Variants in SLC24A2 observed in about 807,000 individuals in gnomAD.
SLC24A2 encodes solute carrier family 24 member 2.
A neutral mutation model predicts 62.0 loss-of-function variants in SLC24A2; 36 were observed. That is an observed-to-expected ratio of 0.58 (90% CI 0.44 to 0.77). SLC24A2 has a LOEUF of 0.77. SLC24A2 is among the 30% of genes least tolerant of loss of function. The pLI is 0.00. For synonymous variants in SLC24A2, 358 were observed against 294.0 expected (o/e 1.22, Z -2.23); for missense variants, 846 against 817.9 (o/e 1.03, Z -0.42).
the SLC24A2 span, among the ~76,000 whole-genome samples, chr9:20,284,278 G>C: frequency 8.5e-6 from 1 of 117,742 alleles, no homozygotes; most frequent in African/African-American, 4.0e-5. Context: ...TGTGTTTTCA[G>C]GTATTTTTTT....
intron 2 of SLC24A2, among the ~76,000 whole-genome samples, chr9:19,728,871 A>C (rs1272209159): frequency 6.6e-6 from 1 of 152,216 alleles, no homozygotes; most frequent in Non-Finnish European, 1.5e-5. Context: ...TGAGACTAAA[A>C]AGCCAAGCAG....
the SLC24A2 span, among the ~76,000 whole-genome samples, chr9:20,288,564 T>C: frequency 5.3e-5 from 8 of 151,490 alleles, no homozygotes; most frequent in East Asian, 1.4e-3. Flanking sequence ...AGGCCAGGAG[T>C]TTGAGACCAG....
intron 2 of SLC24A2, among the ~76,000 whole-genome samples, chr9:19,671,088 T>C (rs1819400398): frequency 1.7e-5 from 1 of 60,246 alleles, no homozygotes; most frequent in African/African-American, 3.4e-5. Context: ...ATGTGAAGAA[T>C]GATGGTGGTA....
the SLC24A2 span, among the ~76,000 whole-genome samples, chr9:19,866,625 CTTTTTTTTTTTTTTT>C: frequency 7.6e-4 from 52 of 68,216 alleles, no homozygotes; most frequent in Non-Finnish European, 1.2e-3. Flanking sequence ...CACGTTTTCA[CTTTTTTTTTTTTTTT>C]TTTTTTTTTT....
intron 2 of SLC24A2, among the ~76,000 whole-genome samples, chr9:19,667,128 T>C (rs775788791): frequency 1.3e-5 from 2 of 152,114 alleles, no homozygotes; most frequent in African/African-American, 2.4e-5. Context: ...CAATGATTTA[T>C]CACATAAAAA....
chr9:20,071,451 G>A, the SLC24A2 span, among the ~76,000 whole-genome samples: 19 of 152,302 alleles, frequency 1.2e-4, no homozygotes, highest in East Asian at 3.9e-4. Context: ...CTTTGAGCTC[G>A]GGATGGAGGA....
the SLC24A2 span, among the ~76,000 whole-genome samples, chr9:20,168,026 C>T: frequency 6.6e-6 from 1 of 151,974 alleles, no homozygotes; most frequent in African/African-American, 2.4e-5. Context: ...TTTCAAACCA[C>T]TGAAGTCCCA....
chr9:19,875,593 C>T, the SLC24A2 span, among the ~76,000 whole-genome samples: 1 of 152,130 alleles, frequency 6.6e-6, no homozygotes, highest in African/African-American at 2.4e-5. Context: ...AAACTTGTCA[C>T]CATTTTGAAG....
chr9:19,827,247 A>C, the SLC24A2 span, among the ~76,000 whole-genome samples: 16 of 152,278 alleles, frequency 1.1e-4, no homozygotes, highest in Non-Finnish European at 1.6e-4. Context: ...TGATGAGATA[A>C]GTATATGAAG....
chr9:19,567,745 C>G (rs935516775), intron 7 of SLC24A2, among the ~76,000 whole-genome samples: 4 of 148,414 alleles, frequency 2.7e-5, no homozygotes, highest in Non-Finnish European at 5.9e-5. Context: ...CATCCCAGAT[C>G]AGATTTCTCA....
At chr9:19,932,837 C>T in the SLC24A2 span, among the ~76,000 whole-genome samples, 50 of 152,324 alleles carry the variant, frequency 3.3e-4, no homozygotes, top group East Asian at 9.6e-4. Flanking sequence ...CACCTTATGC[C>T]ACAGGTTTTT....
chr9:19,952,786 C>A, the SLC24A2 span, among the ~76,000 whole-genome samples: 1 of 151,280 alleles, frequency 6.6e-6, no homozygotes, highest in Non-Finnish European at 1.5e-5. Context: ...ATTTTCTACA[C>A]CTCTGTTTTC....
the SLC24A2 span, among the ~76,000 whole-genome samples, chr9:19,997,694 A>T: frequency 2.0e-5 from 3 of 152,226 alleles, no homozygotes; most frequent in Admixed American, 2.0e-4. Flanking sequence ...GCTAGGAGTG[A>T]GCAAGACAAA....
chr9:19,738,469 T>C (rs954340793), intron 2 of SLC24A2, among the ~76,000 whole-genome samples: 1 of 151,964 alleles, frequency 6.6e-6, no homozygotes, highest in African/African-American at 2.4e-5. Flanking sequence ...GATATGTTGG[T>C]CTAAAAGTGG....
At chr9:20,125,806 G>C in the SLC24A2 span, among the ~76,000 whole-genome samples, 1 of 152,170 alleles carries the variant, frequency 6.6e-6, no homozygotes. Flanking sequence ...CCCTCCATGG[G>C]TGTGTGTAAG....
chr9:19,964,674 A>C, the SLC24A2 span, among the ~76,000 whole-genome samples: 9 of 152,296 alleles, frequency 5.9e-5, no homozygotes, highest in Admixed American at 2.0e-4. Flanking sequence ...TGGGTGGGGC[A>C]CAAGGGAGAT....
chr9:19,665,904 C>T (rs989020129), intron 2 of SLC24A2, among the ~76,000 whole-genome samples: 13 of 152,120 alleles, frequency 8.5e-5, no homozygotes, highest in African/African-American at 2.9e-4. Context: ...AGCACCTCAC[C>T]CACCTCGGCC....
At chr9:19,576,430 C>A (rs1324926085) in intron 6 of SLC24A2, among the ~76,000 whole-genome samples, 1 of 152,166 alleles carries the variant, frequency 6.6e-6, no homozygotes, top group African/African-American at 2.4e-5. Flanking sequence ...GAGGCAGCAT[C>A]ATCTCAAAAG....
the SLC24A2 span, among the ~76,000 whole-genome samples, chr9:19,831,994 T>G: frequency 6.6e-6 from 1 of 152,236 alleles, no homozygotes; most frequent in Admixed American, 6.5e-5. Flanking sequence ...TTGGACATTG[T>G]TTTTTGTCTG....
Sources: allele counts gnomAD v4.1 joint callset (sites outside exome capture counted in the v4.1 genomes callset), GRCh38; gene constraint gnomAD v4.1.1; transcripts MANE v1.5; gene names NCBI Gene and HGNC (gene_info 2026-07-23, HGNC 2026-07-21).